SLC23A2: variants seen among roughly 807,000 people sequenced by gnomAD.
The protein encoded by SLC23A2 is solute carrier family 23 member 2, also known as Na(+)/L-ascorbic acid transporter 2.
Under a neutral mutation model 73.3 loss-of-function variants are expected in SLC23A2, and 36 were observed. The ratio of observed to expected loss-of-function variants is 0.49; its 90% CI spans 0.38 to 0.65. SLC23A2 has a LOEUF of 0.65. SLC23A2 is among the 30% of genes least tolerant of loss of function. The pLI is 0.00. For missense variants in SLC23A2, 507 were observed against 841.6 expected, an observed-to-expected ratio of 0.60 and a Z score of 4.92; for synonymous variants, 343 against 327.3, an observed-to-expected ratio of 1.05 and a Z score of -0.52.
chr20:4,950,430 T>C (rs138234880), intron 2 of SLC23A2, among the ~76,000 whole-genome samples: 44 of 152,272 alleles, frequency 2.9e-4, no homozygotes, highest in African/African-American at 1.0e-3. Flanking sequence ...CAAGTAACTG[T>C]CACATTGGAG....
At chr20:4,982,013 G>C (rs1305505908) in intron 1 of SLC23A2, among the ~76,000 whole-genome samples, 4 of 121,252 alleles carry the variant, frequency 3.3e-5, no homozygotes, top group Non-Finnish European at 6.9e-5. Context: ...TTTCTTTTTT[G>C]AGATGGAGTC....
rs758896316 is a variant in SLC23A2, at chr20:4,857,076, T to G, written c.1849A>C (p.Ser617Arg). The G allele has an allele frequency of 3.1e-6, 5 of 1,614,018 alleles. No individual in the cohort carries two copies. The highest frequency in any genetic ancestry group is 2.5e-6 in the Non-Finnish European group (3 of 1,179,888). Residue 617 changes from serine to arginine, a missense_variant, in exon 17 of 17, where the codon AGC becomes CGC. This residue lies in a region of SLC23A2 where 168 missense variants were observed against 302.3 expected (regional missense o/e 0.56). Coordinates refer to ENST00000338244, the MANE Select transcript of SLC23A2 (RefSeq NM_005116.6). The surrounding 1 kb of genome is among the most constrained non-coding windows in gnomAD (Gnocchi z 4.0). ...AAGGTTGGGCTGATGGGTAAGTAGC[T>G]GAAGCATCTGTATTTTTTTATAATG... ...MNIIKKYRCFSYLPISPTFVG... is the reference protein window; with the variant it reads ...MNIIKKYRCFRYLPISPTFVG...
At chr20:4,955,356 AAC>A (rs71197734) in intron 2 of SLC23A2, among the ~76,000 whole-genome samples, 68,184 of 144,318 alleles carry the variant, frequency 0.47, 17,038 homozygotes, top group East Asian at 0.71. Context: ...AATGAGTTAA[AAC>A]ACACACACAC....
intron 1 of SLC23A2, among the ~76,000 whole-genome samples, chr20:4,993,419 AAAAG>A (rs1191345129): frequency 1.3e-5 from 2 of 151,608 alleles, no homozygotes; most frequent in Non-Finnish European, 2.9e-5. Flanking sequence ...CGAAAAAAAA[AAAAG>A]AAAAAAAGAA....
In SLC23A2 at chr20:4,885,828, G is replaced by A; in HGVS notation, c.564C>T (p.Asn188=). Residue 188 remains asparagine, a synonymous_variant, in exon 7 of 17, where the codon AAC becomes AAT. Coordinates refer to ENST00000338244, the MANE Select transcript of SLC23A2 (RefSeq NM_005116.6). Reference sequence around the variant, plus strand: ...GGAAATAACTGCAATTACCTGTGGTGTTACATTTCCATTTATCTAAAGACA... The same window carrying A: ...GGAAATAACTGCAATTACCTGTGGTATTACATTTCCATTTATCTAAAGACA... ...AILSLDKWKC[N]TTDVSVANGT... The A allele has an allele frequency of 6.2e-7, 1 of 1,609,082 alleles. No homozygotes were observed. Among genetic ancestry groups the A allele is most frequent in the Non-Finnish European group, 8.5e-7 (1 of 1,175,476 alleles).
At chr20:4,985,254 T>TATTTATA (rs2087806193) in intron 1 of SLC23A2, among the ~76,000 whole-genome samples, 5 of 152,140 alleles carry the variant, frequency 3.3e-5, no homozygotes, top group Non-Finnish European at 7.4e-5. Context: ...ATTCAAATGT[T>TATTTATA]CATAACAGCA....
At chr20:4,951,226 T>C (rs1174727571) in intron 2 of SLC23A2, among the ~76,000 whole-genome samples, 1 of 152,102 alleles carries the variant, frequency 6.6e-6, no homozygotes, top group East Asian at 1.9e-4. Flanking sequence ...TGGTATTTTT[T>C]TAAAAGAGGA....
chr20:4,945,386 C>T (rs1473386850), intron 2 of SLC23A2, among the ~76,000 whole-genome samples: 1 of 152,182 alleles, frequency 6.6e-6, no homozygotes, highest in Non-Finnish European at 1.5e-5. Flanking sequence ...TCGCAGCTCA[C>T]TGCAACCTCC....
intron 1 of SLC23A2, among the ~76,000 whole-genome samples, chr20:4,984,572 C>T (rs565931969): frequency 4.6e-5 from 7 of 151,714 alleles, no homozygotes; most frequent in Middle Eastern, 3.4e-3. Flanking sequence ...AAAAAAGACC[C>T]GGTCTCAAAT....
intron 2 of SLC23A2, among the ~76,000 whole-genome samples, chr20:4,956,445 G>GT (rs1377942845): frequency 6.6e-6 from 1 of 152,180 alleles, no homozygotes; most frequent in Non-Finnish European, 1.5e-5. Flanking sequence ...AAACCTAAAT[G>GT]TAAGATTTTT....
intron 3 of SLC23A2, among the ~76,000 whole-genome samples, chr20:4,919,728 C>T (rs1932441479): frequency 6.6e-6 from 1 of 152,162 alleles, no homozygotes; most frequent in South Asian, 2.1e-4. Flanking sequence ...AGAACAGATC[C>T]TGAGGCCACG....
At chr20:4,990,396 G>A (rs1248815170) in intron 1 of SLC23A2, among the ~76,000 whole-genome samples, 4 of 151,818 alleles carry the variant, frequency 2.6e-5, no homozygotes, top group Admixed American at 2.6e-4. Context: ...TTGAGACAGA[G>A]TCTCACTCAG....
chr20:4,862,979 C>T lies in SLC23A2; in HGVS notation c.1357-72G>A. The T allele has an allele frequency of 6.7e-7, 1 of 1,499,132 alleles. No homozygotes were observed. 92.9% of individuals were successfully genotyped at this position (1,499,132 alleles called of 1,614,324 possible). On this transcript the variant is annotated intron_variant, in intron 13 of 16. Coordinates refer to ENST00000338244, the MANE Select transcript of SLC23A2 (RefSeq NM_005116.6). The surrounding 1 kb of genome is among the most constrained non-coding windows in gnomAD (Gnocchi z 5.1). ...AAAATCACCGTAAGTTACTAAAGAACACACAGCAGAGATACCCATGGCCTG... is the reference window on the plus strand; with the variant it reads ...AAAATCACCGTAAGTTACTAAAGAATACACAGCAGAGATACCCATGGCCTG...
chr20:4,917,784 G>A (rs1421234374), intron 3 of SLC23A2, among the ~76,000 whole-genome samples: 1 of 152,126 alleles, frequency 6.6e-6, no homozygotes, highest in African/African-American at 2.4e-5. Flanking sequence ...AAGGAAGCCT[G>A]TAATAAGACG....
At chr20:4,911,775 G>A (rs1030747616) in intron 4 of SLC23A2, among the ~76,000 whole-genome samples, 1 of 151,904 alleles carries the variant, frequency 6.6e-6, no homozygotes, top group African/African-American at 2.4e-5. Context: ...TAGACATCAT[G>A]GCAGATACAA....
In SLC23A2 at chr20:4,857,879, T is replaced by A. The variant is rs6037993; in HGVS notation, c.1721-675A>T. On this transcript the variant is annotated intron_variant, in intron 16 of 16. Coordinates refer to ENST00000338244, the MANE Select transcript of SLC23A2 (RefSeq NM_005116.6). This position sits in a 1 kb window ranked among gnomAD's most constrained non-coding sequence, Gnocchi z 4.0. ...CCGAGAGGCAGAGACTGCAGTGAGC[T>A]GAGATCATGCCATTGCACTCTAGCC... Among the ~76,000 whole-genome samples the A allele has an allele frequency of 6.6e-6, 1 of 152,050 alleles. No homozygotes were observed. The highest frequency in any genetic ancestry group is 2.4e-5 in the African/African-American group (1 of 41,376).
chr20:4,995,606 C>T (rs2122349055), intron 1 of SLC23A2, among the ~76,000 whole-genome samples: 1 of 152,258 alleles, frequency 6.6e-6, no homozygotes, highest in East Asian at 1.9e-4. Flanking sequence ...ATGTCATTCC[C>T]AACTTCTGTA....
At chr20:4,984,901 G>A (rs2087798117) in intron 1 of SLC23A2, among the ~76,000 whole-genome samples, 1 of 152,156 alleles carries the variant, frequency 6.6e-6, no homozygotes, top group Non-Finnish European at 1.5e-5. Flanking sequence ...CACTTTGGGA[G>A]GCCAATGCGG....
intron 1 of SLC23A2, among the ~76,000 whole-genome samples, 172 bp from the exon 2 acceptor site, chr20:4,971,091 C>G (rs944663282): frequency 6.6e-6 from 1 of 152,178 alleles, no homozygotes; most frequent in Non-Finnish European, 1.5e-5. Context: ...GGCAGGGTCA[C>G]AAACTGCACC....
Sources: gnomAD v4.1 joint callset for allele counts (sites outside exome capture counted in the v4.1 genomes callset) on GRCh38, gnomAD v4.1.1 for gene constraint, gnomAD v4.1.1 regional missense constraint, Gnocchi (gnomAD v3.1) non-coding constraint, MANE v1.5 for transcripts, NCBI Gene and HGNC (gene_info 2026-07-23, HGNC 2026-07-21) for gene names.